The following SPATA17 variants were observed in gnomAD, a reference collection of about 807,000 sequenced individuals.
The protein encoded by SPATA17 is spermatogenesis associated 17, also known as spermatogenesis-associated protein 17.
SPATA17 carries 53 observed loss-of-function variants against 62.2 expected under a neutral mutation model. That is an observed-to-expected ratio of 0.85 (90% confidence interval 0.68 to 1.07). The LOEUF (loss-of-function observed/expected upper bound fraction) is 1.07, where lower values mean the gene tolerates loss of function less well. SPATA17 is among the 50% of genes least tolerant of loss of function. SPATA17 has a pLI of 0.00. For missense variants in SPATA17, 466 were observed against 425.5 expected, an observed-to-expected ratio of 1.10 and a Z score of -0.84; for synonymous variants, 146 against 146.8, an observed-to-expected ratio of 0.99 and a Z score of 0.04.
At chr1:217,812,599 T>C (rs1309930494) in intron 9 of SPATA17, among the ~76,000 whole-genome samples, 1 of 152,230 alleles carries the variant, frequency 6.6e-6, no homozygotes, top group South Asian at 2.1e-4. Context: ...GTAAATTCTT[T>C]GTATTCATAA....
chr1:217,732,559 C>A (rs1434064362), intron 5 of SPATA17, among the ~76,000 whole-genome samples: 1 of 152,104 alleles, frequency 6.6e-6, no homozygotes, highest in African/African-American at 2.4e-5. Flanking sequence ...GTGGGTTGAT[C>A]CTCCTCCTCC....
intron 6 of SPATA17, among the ~76,000 whole-genome samples, chr1:217,754,762 C>T (rs749473002): frequency 1.3e-5 from 2 of 152,136 alleles, no homozygotes; most frequent in African/African-American, 4.8e-5. Flanking sequence ...AGGCTCTAGT[C>T]TAATCCATCG....
chr1:217,663,350 C>T (rs1026776381), intron 3 of SPATA17, among the ~76,000 whole-genome samples: 15 of 151,382 alleles, frequency 9.9e-5, no homozygotes, highest in East Asian at 1.9e-4. Context: ...GAGGCTGAGA[C>T]GGGAGAATCG....
chr1:217,759,077 C>T (rs549622862), intron 6 of SPATA17, among the ~76,000 whole-genome samples: 15 of 152,058 alleles, frequency 9.9e-5, no homozygotes, highest in Non-Finnish European at 1.8e-4. Context: ...GACCATGTGC[C>T]AAAGGCTATT....
intron 5 of SPATA17, among the ~76,000 whole-genome samples, chr1:217,727,796 G>C (rs1479956361): frequency 5.3e-5 from 8 of 152,120 alleles, no homozygotes; most frequent in Non-Finnish European, 1.0e-4. Flanking sequence ...AGTCTCAATA[G>C]ACCTCAGCAT....
intron 9 of SPATA17, among the ~76,000 whole-genome samples, chr1:217,834,706 AGTAAG>A (rs1429401535): frequency 8.5e-5 from 13 of 152,172 alleles, no homozygotes; most frequent in Non-Finnish European, 1.8e-4. Flanking sequence ...AAAAAGTTAC[AGTAAG>A]GTAAGTCTAG....
chr1:217,786,946 G>C (rs895279696), intron 8 of SPATA17, among the ~76,000 whole-genome samples: 5 of 151,748 alleles, frequency 3.3e-5, no homozygotes, highest in African/African-American at 1.2e-4. Flanking sequence ...TGCCATCTTT[G>C]TTTGTATCTC....
chr1:217,752,759 C>A (rs1008074183), intron 6 of SPATA17, among the ~76,000 whole-genome samples: 26 of 152,082 alleles, frequency 1.7e-4, no homozygotes, highest in African/African-American at 6.0e-4. Context: ...GCATTTTAAA[C>A]CTCGCTTCTC....
intron 2 of SPATA17, among the ~76,000 whole-genome samples, chr1:217,650,182 G>T (rs146386625): frequency 0.046 from 6,972 of 151,586 alleles, 214 homozygotes; most frequent in Middle Eastern, 0.097. Flanking sequence ...CAGGTGATCC[G>T]CCCGCCTTGG....
rs1673885818 is a variant in SPATA17, at chr1:217,786,878, G to A, written c.872+4556G>A. 4.7e-5 allele frequency among the ~76,000 whole-genome samples: 7 copies of A among 149,912 alleles called. No homozygotes were observed. The South Asian group carries it at 1.5e-3, about 32-fold the overall frequency. ...TTTTAACTACCACCTCTATGCCAAT[G>A]ATTTCCATTTTAAATCTGTACAATC... On this transcript the variant is annotated intron_variant, in intron 8 of 10. Transcript: ENST00000366933.
intron 8 of SPATA17, among the ~76,000 whole-genome samples, chr1:217,792,362 C>T (rs1357646027): frequency 6.6e-6 from 1 of 152,100 alleles, no homozygotes; most frequent in African/African-American, 2.4e-5. Flanking sequence ...GATATAAAGA[C>T]CCAAAGAAAA....
intron 5 of SPATA17, among the ~76,000 whole-genome samples, chr1:217,701,839 A>G (rs546013472): frequency 2.2e-4 from 33 of 151,932 alleles, no homozygotes; most frequent in Non-Finnish European, 8.8e-5. Context: ...TCTGCTCTCA[A>G]TGTGCTTTTC....
At chr1:217,735,178 G>T (rs1263816905) in intron 5 of SPATA17, among the ~76,000 whole-genome samples, 1 of 152,198 alleles carries the variant, frequency 6.6e-6, no homozygotes, top group Non-Finnish European at 1.5e-5. Flanking sequence ...TTGACCTTCA[G>T]GACCGGTCTT....
intron 5 of SPATA17, among the ~76,000 whole-genome samples, chr1:217,738,554 A>G (rs1672563180): frequency 6.6e-6 from 1 of 152,264 alleles, no homozygotes; most frequent in Non-Finnish European, 1.5e-5. Flanking sequence ...AAAAGATACT[A>G]ATATTAATAT....
chr1:217,708,809 C>A (rs866373202), intron 5 of SPATA17, among the ~76,000 whole-genome samples: 13 of 152,152 alleles, frequency 8.5e-5, no homozygotes, highest in Middle Eastern at 3.4e-3. Context: ...CCATATCCAG[C>A]AGCACATTAA....
At chr1:217,641,631 A>G (rs1011005132) in intron 1 of SPATA17, among the ~76,000 whole-genome samples, 5 of 152,294 alleles carry the variant, frequency 3.3e-5, no homozygotes, top group Admixed American at 6.5e-5. Flanking sequence ...ACACATACAC[A>G]TATATATTTA....
intron 9 of SPATA17, among the ~76,000 whole-genome samples, chr1:217,842,953 CT>C (rs75537390): frequency 0.13 from 18,711 of 148,586 alleles, 1,199 homozygotes; most frequent in Non-Finnish European, 0.14. Context: ...AAAATGTTTT[CT>C]TTTTTTTTTC....
At chr1:217,709,167 T>A (rs923751467) in intron 5 of SPATA17, among the ~76,000 whole-genome samples, 15 of 152,212 alleles carry the variant, frequency 9.9e-5, no homozygotes, top group Admixed American at 3.3e-4. Context: ...TGTTTTTCAG[T>A]GAAAATCACT....
Position 217,631,441 on chromosome 1 carries a change from G to A in SPATA17, c.63G>A (p.Arg21=), listed in dbSNP as rs1411113772. The A allele has an allele frequency of 6.2e-7, 1 of 1,614,130 alleles. No individual in the cohort carries two copies. Among genetic ancestry groups the A allele is most frequent in the Non-Finnish European group, 8.5e-7 (1 of 1,180,036 alleles). Residue 21 remains arginine, a synonymous_variant, in exon 1 of 11, where the codon AGG becomes AGA. Transcript: ENST00000366933. The part of the protein sequence containing the change: ...SSTVGNQYYF[R]NSVVDPFRKK... ...CTGTAGGAAATCAGTACTACTTTAGGAACAGGTAAGTCAGGAAGAGAAGGA... is the reference window on the plus strand; with the variant it reads ...CTGTAGGAAATCAGTACTACTTTAGAAACAGGTAAGTCAGGAAGAGAAGGA...
Sources: gnomAD v4.1 joint callset for allele counts (sites outside exome capture counted in the v4.1 genomes callset) on GRCh38, gnomAD v4.1.1 for gene constraint, MANE v1.5 for transcripts, NCBI Gene and HGNC (gene_info 2026-07-23, HGNC 2026-07-21) for gene names.